Variants in CCDC125 observed in about 807,000 individuals in gnomAD.
CCDC125 encodes coiled-coil domain-containing protein 125.
Under a neutral mutation model 57.4 loss-of-function variants are expected in CCDC125, and 43 were observed. The ratio of observed to expected loss-of-function variants is 0.75; its 90% CI spans 0.59 to 0.97. The LOEUF (loss-of-function observed/expected upper bound fraction) is 0.97, where lower values mean the gene tolerates loss of function less well. Among genes scored for constraint, CCDC125 ranks in the 50% least tolerant of loss-of-function variants. CCDC125 has a pLI of 0.00. For missense variants in CCDC125, 563 were observed against 595.7 expected, an observed-to-expected ratio of 0.95 and a Z score of 0.57; for synonymous variants, 187 against 195.2, an observed-to-expected ratio of 0.96 and a Z score of 0.35.
intron 5 of CCDC125, 111 bp downstream of exon 5, chr5:69,307,840 A>G: frequency 1.3e-6 from 1 of 770,266 alleles, no homozygotes; most frequent in Non-Finnish European, 2.3e-6. Flanking sequence ...ACTGAAGCAC[A>G]CCTAGCAGAA....
intron 1 of CCDC125, among the ~76,000 whole-genome samples, chr5:69,326,063 T>C (rs7728611): frequency 0.95 from 143,852 of 152,090 alleles, 68,297 homozygotes; most frequent in East Asian, 1. Context: ...TCTTGAACTT[T>C]TGACCTCACG....
In CCDC125 at chr5:69,303,843, T is replaced by C. The variant is rs772347002; in HGVS notation, c.700+4A>G. 6.5e-7 allele frequency: 1 copy of C among 1,543,896 alleles called. No individual in the cohort carries two copies. The highest frequency in any genetic ancestry group is 8.9e-7 in the Non-Finnish European group (1 of 1,125,286). ...TGTGCTCTTAATACAAAAATCATCA[T>C]TACCTGCATTGTCAGACTTCAGCAT... On this transcript the variant is annotated splice_donor_region_variant and intron_variant, in intron 7 of 11. Transcript: ENST00000396496.
Position 69,291,585 on chromosome 5 carries a change from C to T in CCDC125, c.1099+603G>A, listed in dbSNP as rs141252493. On this transcript the variant is annotated intron_variant, in intron 10 of 11. Coordinates refer to ENST00000396496, the MANE Select transcript of CCDC125 (RefSeq NM_176816.5). ...GGCCAGGCTGTTCTCGAACTCCTGA[C>T]CTCAGGTGATCCACCCTCCTTGGCC... is the stretch of plus-strand genomic sequence containing the variant. 4.2e-3 allele frequency among the ~76,000 whole-genome samples: 635 copies of T among 152,240 alleles called. 6 individuals carry two copies. Among genetic ancestry groups the T allele is most frequent in the African/African-American group, 0.015 (616 of 41,546 alleles).
At chr5:69,303,708 A>G (rs975114822) in intron 7 of CCDC125, 139 bp downstream of exon 7, 1 of 586,418 alleles carries the variant, frequency 1.7e-6, no homozygotes, top group African/African-American at 2.0e-5. Context: ...TGTGAATTTC[A>G]CCTTGATAAA....
In CCDC125 at chr5:69,294,851, CA is replaced by C. The variant is rs1755059707; in HGVS notation, c.865del (p.Cys289ValfsTer33). The C allele has an allele frequency of 1.2e-6, 2 of 1,614,074 alleles. No individual in the cohort carries two copies. The highest frequency in any genetic ancestry group is 1.7e-5 in the Admixed American group (1 of 59,998). ...GGATGCTGCCATTCTGGCACAAGAACAGGGGTTCCCTCCGGGCCCATGACAA... is the reference window on the plus strand; with the variant it reads ...GGATGCTGCCATTCTGGCACAAGAACGGGGTTCCCTCCGGGCCCATGACAA... The part of the protein sequence containing the change: ...CLCHGPGGNP[C>X]SCARMAASTR... On this transcript the variant is annotated frameshift_variant, in exon 9 of 12. Transcript: ENST00000396496. LOFTEE classifies it high-confidence loss of function.
intron 7 of CCDC125, among the ~76,000 whole-genome samples, chr5:69,303,403 T>C (rs1338268873): frequency 3.4e-5 from 5 of 148,002 alleles, no homozygotes; most frequent in Middle Eastern, 3.5e-3. Context: ...CTCACTCTGT[T>C]GTCCAGGCTG....
chr5:69,315,225 C>T (rs1449105669), intron 2 of CCDC125, among the ~76,000 whole-genome samples: 1 of 149,988 alleles, frequency 6.7e-6, no homozygotes, highest in Non-Finnish European at 1.5e-5. Flanking sequence ...CATTAGACTC[C>T]AGCCTGGGAG....
intron 1 of CCDC125, among the ~76,000 whole-genome samples, chr5:69,323,448 T>C (rs1760350587): frequency 6.6e-6 from 1 of 152,174 alleles, no homozygotes; most frequent in Admixed American, 6.5e-5. Context: ...TGCCTATACA[T>C]CACTTCATTC....
chr5:69,305,744 A>T (rs1461894922), intron 6 of CCDC125, among the ~76,000 whole-genome samples: 8 of 152,062 alleles, frequency 5.3e-5, no homozygotes, highest in South Asian at 2.1e-4. Context: ...ACTGACAACC[A>T]CCTCCTCCCT....
intron 1 of CCDC125, among the ~76,000 whole-genome samples, chr5:69,322,860 C>G (rs956670480): frequency 6.6e-6 from 1 of 151,684 alleles, no homozygotes; most frequent in African/African-American, 2.4e-5. Context: ...CGCACTGGCC[C>G]AAAAATTTTT....
chr5:69,305,178 G>C (rs1178753959), intron 6 of CCDC125, among the ~76,000 whole-genome samples: 2 of 152,114 alleles, frequency 1.3e-5, no homozygotes, highest in Non-Finnish European at 2.9e-5. Context: ...ACAAAATGGC[G>C]TACATACATA....
At chr5:69,295,813 A>C (rs1444504780) in intron 8 of CCDC125, among the ~76,000 whole-genome samples, 1 of 152,112 alleles carries the variant, frequency 6.6e-6, no homozygotes, top group Non-Finnish European at 1.5e-5. Context: ...AACTTCCCTA[A>C]ACATTGTCCA....
intron 1 of CCDC125, among the ~76,000 whole-genome samples, chr5:69,324,975 G>C (rs1760543695): frequency 6.6e-6 from 1 of 152,214 alleles, no homozygotes; most frequent in South Asian, 2.1e-4. Context: ...AGGGCATGAG[G>C]GAAGTTTTCT....
At chr5:69,291,515 C>T (rs1289098657) in intron 10 of CCDC125, among the ~76,000 whole-genome samples, 2 of 151,990 alleles carry the variant, frequency 1.3e-5, no homozygotes, top group Admixed American at 6.6e-5. Flanking sequence ...CTACCACGCC[C>T]GGCTAATTTT....
At chr5:69,292,614 C>T (rs1296504791) in intron 9 of CCDC125, among the ~76,000 whole-genome samples, 1 of 152,130 alleles carries the variant, frequency 6.6e-6, no homozygotes, top group African/African-American at 2.4e-5. Flanking sequence ...GACCTCACTA[C>T]CCCATGCAGG....
chr5:69,327,305 A>G (rs918288788), intron 1 of CCDC125, among the ~76,000 whole-genome samples: 1 of 152,028 alleles, frequency 6.6e-6, no homozygotes, highest in African/African-American at 2.4e-5. Flanking sequence ...CGCGTTAGCC[A>G]GGATGGTCTC....
intron 1 of CCDC125, among the ~76,000 whole-genome samples, chr5:69,322,274 C>G (rs1481260608): frequency 2.6e-5 from 4 of 151,968 alleles, no homozygotes; most frequent in African/African-American, 9.7e-5. Context: ...AGTGAGGCAC[C>G]ACGTGGGGGT....
chr5:69,279,718 G>T (rs1752376364), downstream of CCDC125, among the ~76,000 whole-genome samples: 1 of 152,070 alleles, frequency 6.6e-6, no homozygotes, highest in Non-Finnish European at 1.5e-5. Flanking sequence ...GGGAGAAGCA[G>T]CCAAGCAGCT....
At chr5:69,316,811 C>G (rs1261901428) in intron 2 of CCDC125, among the ~76,000 whole-genome samples, 2 of 151,996 alleles carry the variant, frequency 1.3e-5, no homozygotes. Context: ...CCAGACGTAG[C>G]CTGTTTGGGA....
Sources: gnomAD v4.1 joint callset for allele counts (sites outside exome capture counted in the v4.1 genomes callset) on GRCh38, gnomAD v4.1.1 for gene constraint, MANE v1.5 for transcripts, NCBI Gene and HGNC (gene_info 2026-07-23, HGNC 2026-07-21) for gene names.